Variants in PALS1 observed in about 807,000 individuals in gnomAD.
PALS1 encodes protein PALS1.
A neutral mutation model predicts 78.9 loss-of-function variants in PALS1; 31 were observed. The ratio of observed to expected loss-of-function variants is 0.39; its 90% CI spans 0.30 to 0.53. The LOEUF is 0.53. Among genes scored for constraint, PALS1 ranks in the 20% least tolerant of loss-of-function variants. The pLI is 0.67. For synonymous variants in PALS1, 276 were observed against 270.9 expected (o/e 1.02, Z -0.18); for missense variants, 704 against 826.5 (o/e 0.85, Z 1.82).
At chr14:67,316,379 G>C (rs1441459996) in intron 9 of PALS1, among the ~76,000 whole-genome samples, 2 of 152,100 alleles carry the variant, frequency 1.3e-5, no homozygotes, top group Non-Finnish European at 2.9e-5. Context: ...GCATGCAAGG[G>C]AATATACTGA....
intron 14 of PALS1, among the ~76,000 whole-genome samples, chr14:67,331,651 CT>C (rs1262773598): frequency 6.6e-6 from 1 of 151,962 alleles, no homozygotes; most frequent in Admixed American, 6.6e-5. Flanking sequence ...ACATGAAGTA[CT>C]AAATAAGTGA....
chr14:67,255,232 AT>A (rs1337824245), intron 1 of PALS1, among the ~76,000 whole-genome samples: 1 of 152,148 alleles, frequency 6.6e-6, no homozygotes, highest in Non-Finnish European at 1.5e-5. Flanking sequence ...AAGGTAATTG[AT>A]TAAAGGGAAT....
chr14:67,260,367 T>C (rs2084216672), intron 1 of PALS1, among the ~76,000 whole-genome samples: 1 of 152,180 alleles, frequency 6.6e-6, no homozygotes, highest in African/African-American at 2.4e-5. Context: ...AGTGGTTCTT[T>C]GGTCAAAAAG....
intron 5 of PALS1, 53 bp downstream of exon 5, chr14:67,301,519 T>G: frequency 7.3e-7 from 1 of 1,373,268 alleles, no homozygotes; most frequent in Non-Finnish European, 1.0e-6. Context: ...TTCTTCTATT[T>G]TTTTAAATCA....
intron 8 of PALS1, among the ~76,000 whole-genome samples, chr14:67,304,443 G>A (rs1566565233): frequency 6.6e-6 from 1 of 152,094 alleles, no homozygotes; most frequent in Non-Finnish European, 1.5e-5. Context: ...ATGTATGATG[G>A]GATATTATTT....
chr14:67,258,157 G>A (rs2084176214), intron 1 of PALS1, among the ~76,000 whole-genome samples: 1 of 151,958 alleles, frequency 6.6e-6, no homozygotes, highest in Admixed American at 6.6e-5. Context: ...GCAGTGTGCA[G>A]GGTTCTCAGA....
chr14:67,304,524 C>T (rs1014906935), intron 8 of PALS1, among the ~76,000 whole-genome samples: 3 of 151,952 alleles, frequency 2.0e-5, no homozygotes, highest in African/African-American at 7.3e-5. Flanking sequence ...TTATGCTGAG[C>T]GAAGGAAGCC....
At position 67,325,107 on chromosome 14, in the gene PALS1, A is replaced by G. The variant is rs572112081; in HGVS notation, c.1851+1295A>G. ...TTTTTAGTAGAGACAGGATTTCACC[A>G]TGTTAGCCAGGATGGTCTTGATCTC... On this transcript the variant is annotated intron_variant, in intron 14 of 14. Coordinates refer to ENST00000261681, the MANE Select transcript of PALS1 (RefSeq NM_022474.4). Among the ~76,000 whole-genome samples, 30 of 151,580 alleles carry G rather than the reference A, an allele frequency of 2.0e-4. No homozygotes were observed. In the East Asian group the frequency reaches 4.3e-3, roughly 22 times the overall value.
At chr14:67,265,984 T>G (rs554837059) in intron 1 of PALS1, among the ~76,000 whole-genome samples, 4 of 152,278 alleles carry the variant, frequency 2.6e-5, no homozygotes, top group Admixed American at 2.0e-4. Context: ...GTATTATTTA[T>G]TTTTTGTAGA....
At chr14:67,254,210 A>G (rs1389126719) in intron 1 of PALS1, 1 of 129,472 alleles carries the variant, frequency 7.7e-6, no homozygotes, top group Non-Finnish European at 1.6e-5. Context: ...TTAGATTTTA[A>G]GTTTCTTAAG....
At chr14:67,267,235 A>G (rs12590801) in intron 1 of PALS1, among the ~76,000 whole-genome samples, 1 of 152,150 alleles carries the variant, frequency 6.6e-6, no homozygotes, top group East Asian at 1.9e-4. Flanking sequence ...AATAGGTATA[A>G]CTTCAATTAA....
intron 8 of PALS1, among the ~76,000 whole-genome samples, chr14:67,309,488 G>C (rs118109391): frequency 0.012 from 1,832 of 152,242 alleles, 19 homozygotes; most frequent in Non-Finnish European, 0.018. Context: ...GATGGGACTA[G>C]AGAAACTTGT....
intron 1 of PALS1, among the ~76,000 whole-genome samples, chr14:67,251,426 A>T (rs978243066): frequency 5.9e-5 from 9 of 152,122 alleles, no homozygotes; most frequent in African/African-American, 2.2e-4. Context: ...CCAGCTACTC[A>T]GGAGGCTAAA....
At position 67,297,518 on chromosome 14, in the gene PALS1, A is replaced by G. The variant is rs542194467; in HGVS notation, c.577-3871A>G. Among the ~76,000 whole-genome samples the G allele has an allele frequency of 8.5e-5, 13 of 152,336 alleles. No homozygotes were observed. The South Asian group carries it at 2.7e-3, about 32-fold the overall frequency. On this transcript the variant is annotated intron_variant, in intron 4 of 14. Transcript: ENST00000261681. ...AAATTTATTCTATACATGATTGCGA[A>G]TCTACTGAAGAATTTTAAACAGATT... is the stretch of plus-strand genomic sequence containing the variant.
At chr14:67,320,474 A>T in intron 12 of PALS1, 77 bp downstream of exon 12, 4 of 1,345,378 alleles carry the variant, frequency 3.0e-6, no homozygotes, top group Non-Finnish European at 3.9e-6. Context: ...ATGTAGGGAA[A>T]TTTTTTATTC....
intron 14 of PALS1, among the ~76,000 whole-genome samples, chr14:67,327,611 G>A (rs964109776): frequency 1.3e-5 from 2 of 151,894 alleles, no homozygotes; most frequent in Non-Finnish European, 1.5e-5. Flanking sequence ...TTTACATTAG[G>A]TATATCTCCT....
In PALS1 at chr14:67,279,379, G is replaced by C. The variant is rs1159277007; in HGVS notation, c.209G>C (p.Arg70Thr). Residue 70 changes from arginine to threonine, a missense_variant, in exon 3 of 15, where the codon AGA becomes ACA. By Grantham distance (71) the Arg-to-Thr change is moderately conservative (BLOSUM62 -1). Transcript: ENST00000261681. ...CAACAGGAGGACATGAGGCGTAGGA[G>C]AGAGGAAGAAGGGAAAAAGCAAGAA... ...RQQQEDMRRR[R>T]EEEGKKQELD... is the part of the protein sequence containing the mutation. The C allele has an allele frequency of 2.5e-6, 4 of 1,613,898 alleles. No homozygotes were observed. Among genetic ancestry groups the C allele is most frequent in the Non-Finnish European group, 1.7e-6 (2 of 1,179,954 alleles).
intron 2 of PALS1, among the ~76,000 whole-genome samples, chr14:67,273,499 C>T (rs1238601740): frequency 6.6e-6 from 1 of 152,190 alleles, no homozygotes; most frequent in Non-Finnish European, 1.5e-5. Context: ...ATGTGTGCCA[C>T]ATTTTCTTAA....
intron 8 of PALS1, among the ~76,000 whole-genome samples, chr14:67,306,701 A>C (rs533737853): frequency 6.6e-6 from 1 of 152,244 alleles, no homozygotes; most frequent in Non-Finnish European, 1.5e-5. Context: ...AATAACTCTC[A>C]ATTGCAATAT....
Sources: gnomAD v4.1 joint callset for allele counts (sites outside exome capture counted in the v4.1 genomes callset) on GRCh38, gnomAD v4.1.1 for gene constraint, MANE v1.5 for transcripts, NCBI Gene and HGNC (gene_info 2026-07-23, HGNC 2026-07-21) for gene names.